F13A1: variants seen among roughly 807,000 people sequenced by gnomAD.
F13A1 encodes the protein FSF, A subunit.
In F13A1, 47 loss-of-function variants were observed where a neutral mutation model predicts 80.1. That is an observed-to-expected ratio of 0.59 (90% CI 0.46 to 0.75). The LOEUF is 0.75. Among genes scored for constraint, F13A1 ranks in the 30% least tolerant of loss-of-function variants. The probability of loss-of-function intolerance (pLI) is 0.00; values close to 1 mark genes in which losing one functional copy is unlikely to be tolerated. For missense variants in F13A1, 817 were observed against 930.4 expected, an observed-to-expected ratio of 0.88 and a Z score of 1.59; for synonymous variants, 349 against 344.9, an observed-to-expected ratio of 1.01 and a Z score of -0.13.
At chr6:6,219,145 G>C (rs1757149536) in intron 8 of F13A1, among the ~76,000 whole-genome samples, 2 of 152,150 alleles carry the variant, frequency 1.3e-5, no homozygotes, top group Non-Finnish European at 2.9e-5. Context: ...GTTGAGGTGG[G>C]TGTGTTTGAC....
At chr6:6,167,374 AC>A in intron 13 of F13A1, 83 bp downstream of exon 13, 1 of 1,358,996 alleles carries the variant, frequency 7.4e-7, no homozygotes, top group Non-Finnish European at 1.0e-6. Context: ...ACACACACAC[AC>A]ACATACAAGC....
chr6:6,300,311 C>T (rs186614091), intron 3 of F13A1, among the ~76,000 whole-genome samples: 1 of 151,048 alleles, frequency 6.6e-6, no homozygotes, highest in Non-Finnish European at 1.5e-5. Context: ...GTAAGCAAGC[C>T]TGGGCAATGG....
chr6:6,318,392 C>T, intron 2 of F13A1, 143 bp downstream of exon 2: 1 of 1,130,298 alleles, frequency 8.8e-7, no homozygotes, highest in East Asian at 2.4e-5. Context: ...TTGCTTTCTT[C>T]CTTTATAAAA....
intron 2 of F13A1, among the ~76,000 whole-genome samples, chr6:6,307,202 G>A (rs1397987332): frequency 6.6e-6 from 1 of 152,148 alleles, no homozygotes; most frequent in Non-Finnish European, 1.5e-5. Context: ...CCTAAACTGT[G>A]ACAGCCATTT....
chr6:6,221,596 C>T (rs915496360), intron 8 of F13A1, among the ~76,000 whole-genome samples: 2 of 152,106 alleles, frequency 1.3e-5, no homozygotes, highest in Non-Finnish European at 2.9e-5. Flanking sequence ...CCTGATACAA[C>T]TAAAAAGAAC....
chr6:6,185,379 CGGTGTTTGGTTTTTGGTTCTTG>C, intron 10 of F13A1, among the ~76,000 whole-genome samples: 1 of 143,996 alleles, frequency 6.9e-6, no homozygotes, highest in Non-Finnish European at 1.5e-5. Flanking sequence ...TGAGAATATG[CGGTGTTTGGTTTTTGGTTCTTG>C]AGATAGTTTA....
intron 8 of F13A1, among the ~76,000 whole-genome samples, chr6:6,221,609 G>A (rs1757196109): frequency 1.3e-5 from 2 of 152,092 alleles, no homozygotes; most frequent in African/African-American, 4.8e-5. Context: ...AAAAGAACTG[G>A]ATAAGATCAT....
intron 3 of F13A1, among the ~76,000 whole-genome samples, chr6:6,287,760 A>T (rs1365177078): frequency 1.3e-5 from 2 of 152,174 alleles, no homozygotes; most frequent in Non-Finnish European, 2.9e-5. Flanking sequence ...CTACTTTGAG[A>T]TTAAACTGTT....
At chr6:6,221,331 C>T (rs1430400946) in intron 8 of F13A1, among the ~76,000 whole-genome samples, 1 of 152,160 alleles carries the variant, frequency 6.6e-6, no homozygotes, top group East Asian at 1.9e-4. Flanking sequence ...GTGAGAGAAC[C>T]CCACAGCTGG....
chr6:6,295,146 G>A (rs1374034537), intron 3 of F13A1, among the ~76,000 whole-genome samples: 10 of 147,052 alleles, frequency 6.8e-5, no homozygotes, highest in Non-Finnish European at 1.3e-4. Flanking sequence ...GTCTATCATT[G>A]TTGGATATTT....
intron 3 of F13A1, among the ~76,000 whole-genome samples, chr6:6,278,023 C>A (rs1278378013): frequency 6.6e-6 from 1 of 152,162 alleles, no homozygotes; most frequent in African/African-American, 2.4e-5. Flanking sequence ...AGGCTGTAAC[C>A]TTTTATAAGA....
chr6:6,181,427 A>C (rs1760984042), intron 11 of F13A1, among the ~76,000 whole-genome samples: 1 of 152,220 alleles, frequency 6.6e-6, no homozygotes. Context: ...CATTCTATGC[A>C]ATAAAAGTTA....
chr6:6,173,719 G>A (rs536066980), intron 12 of F13A1, among the ~76,000 whole-genome samples: 17 of 152,156 alleles, frequency 1.1e-4, no homozygotes, highest in South Asian at 2.1e-4. Flanking sequence ...CTATGTCAGC[G>A]CGTGTATCTT....
intron 2 of F13A1, among the ~76,000 whole-genome samples, chr6:6,306,295 T>C (rs1160547092): frequency 6.6e-6 from 1 of 152,250 alleles, no homozygotes; most frequent in Non-Finnish European, 1.5e-5. Context: ...TTCTTTTGAT[T>C]TGTGGCATCA....
intron 6 of F13A1, among the ~76,000 whole-genome samples, chr6:6,229,163 A>G (rs1472025682): frequency 6.6e-6 from 1 of 152,222 alleles, no homozygotes; most frequent in Non-Finnish European, 1.5e-5. Flanking sequence ...AGAGACAAGA[A>G]TGATGCAAGT....
intron 6 of F13A1, among the ~76,000 whole-genome samples, chr6:6,239,452 T>C (rs1244432954): frequency 6.6e-6 from 1 of 151,836 alleles, no homozygotes; most frequent in Non-Finnish European, 1.5e-5. Flanking sequence ...TTTTACTGTA[T>C]GTAAATTTTA....
At chr6:6,297,671 A>C (rs1269061896) in intron 3 of F13A1, among the ~76,000 whole-genome samples, 35 of 148,872 alleles carry the variant, frequency 2.4e-4, no homozygotes, top group Middle Eastern at 3.4e-3. Flanking sequence ...GCGGTCTATC[A>C]ATTTTGTTGA....
intron 3 of F13A1, among the ~76,000 whole-genome samples, chr6:6,269,227 T>C (rs1459773587): frequency 1.1e-4 from 16 of 152,080 alleles, no homozygotes; most frequent in Admixed American, 1.0e-3. Context: ...AAACTTTGCT[T>C]CTTCTACAAA....
At chr6:6,291,556 G>A (rs58412053) in intron 3 of F13A1, among the ~76,000 whole-genome samples, 8,504 of 152,202 alleles carry the variant, frequency 0.056, 620 homozygotes, top group African/African-American at 0.17. Flanking sequence ...TCCCCCAACT[G>A]TTGACTCCAG....
Sources: gnomAD v4.1 joint callset for allele counts (sites outside exome capture counted in the v4.1 genomes callset) on GRCh38, gnomAD v4.1.1 for gene constraint, MANE v1.5 for transcripts, NCBI Gene and HGNC (gene_info 2026-07-23, HGNC 2026-07-21) for gene names.